The following RFTN1 variants were observed in gnomAD, a reference collection of about 807,000 sequenced individuals.
RFTN1 encodes the protein raftlin, lipid raft linker 1.
RFTN1 carries 26 observed loss-of-function variants against 46.5 expected under a neutral mutation model. The ratio of observed to expected loss-of-function variants is 0.56; its 90% confidence interval spans 0.41 to 0.78. RFTN1 has a LOEUF of 0.78. Among genes scored for constraint, RFTN1 ranks in the 30% least tolerant of loss-of-function variants. The pLI is 0.00. For missense variants in RFTN1, 693 were observed against 718.7 expected (o/e 0.96, Z 0.41); for synonymous variants, 261 against 284.2 (o/e 0.92, Z 0.82).
intron 2 of RFTN1, among the ~76,000 whole-genome samples, chr3:16,464,444 A>T (rs2076056325): frequency 2.0e-5 from 3 of 152,184 alleles, no homozygotes; most frequent in Admixed American, 2.0e-4. Flanking sequence ...TATTTTATAT[A>T]GTTTTTGTTG....
intron 2 of RFTN1, among the ~76,000 whole-genome samples, chr3:16,482,504 G>A (rs1016320219): frequency 2.6e-5 from 4 of 152,134 alleles, no homozygotes; most frequent in African/African-American, 7.2e-5. Context: ...CCATACCCGA[G>A]GGACCTTTGG....
At chr3:16,417,015 T>G (rs995374764) in intron 3 of RFTN1, among the ~76,000 whole-genome samples, 43 of 150,012 alleles carry the variant, frequency 2.9e-4, no homozygotes, top group African/African-American at 1.0e-3. Context: ...TTTTCTTTTT[T>G]TTTTTTTTTT....
chr3:16,467,266 A>G (rs1448911464), intron 2 of RFTN1, among the ~76,000 whole-genome samples: 1 of 152,210 alleles, frequency 6.6e-6, no homozygotes, highest in East Asian at 1.9e-4. Flanking sequence ...GCAGGAGAAT[A>G]AACCACAGTG....
rs374158983 is a variant in RFTN1, at chr3:16,512,428, A to ATTTTTTT, written c.-9+1013_-9+1014insAAAAAAA. 3.0e-3 allele frequency among the ~76,000 whole-genome samples: 457 copies of ATTTTTTT among 150,112 alleles called. 5 individuals are homozygous for ATTTTTTT. The highest frequency in any genetic ancestry group is 0.012 in the East Asian group (63 of 5,122). ...AGATTGAGCCAGACTTTTTTTTTAA[A>ATTTTTTT]AAAGTACTTCTTGTTTGTTTGTTTT... is the stretch of plus-strand genomic sequence containing the variant. On this transcript the variant is annotated intron_variant, in intron 1 of 9. Coordinates refer to ENST00000334133, the MANE Select transcript of RFTN1 (RefSeq NM_015150.2). This position sits in a 1 kb window ranked among gnomAD's most constrained non-coding sequence, Gnocchi z 4.3.
intron 2 of RFTN1, among the ~76,000 whole-genome samples, chr3:16,436,658 T>G (rs528303402): frequency 6.6e-6 from 1 of 152,328 alleles, no homozygotes; most frequent in South Asian, 2.1e-4. Context: ...CAATATGAAT[T>G]GAACACCCCC....
Position 16,484,561 on chromosome 3 carries a change from G to A in RFTN1, c.145+9164C>T, listed in dbSNP as rs1282302835. 1 of 152,258 alleles carries A rather than the reference G, an allele frequency of 6.6e-6. No individual in the cohort carries two copies. Among genetic ancestry groups the A allele is most frequent in the African/African-American group, 2.4e-5 (1 of 41,474 alleles). The allele number at this position is 152,258 out of a possible 1,614,324, so 9.4% of individuals were successfully genotyped here. Reference sequence around the variant, plus strand: ...TTTGTAAAATGCAGCAGTGTGGAATGATCCTCGAAATTGTAATGCGTGTCA... The same window carrying A: ...TTTGTAAAATGCAGCAGTGTGGAATAATCCTCGAAATTGTAATGCGTGTCA... On this transcript the variant is annotated intron_variant, in intron 2 of 9. Transcript: ENST00000334133. The surrounding 1 kb of genome is among the most constrained non-coding windows in gnomAD (Gnocchi z 4.6).
rs887593386 is a variant in RFTN1 at position 16,446,374 on chromosome 3, C to T, written c.146-12337G>A. ...TTTTAGGTACCGTTAGGGAAATTCACATTGTCGTGCAACCATCACCACCAT... is the reference window on the plus strand; with the variant it reads ...TTTTAGGTACCGTTAGGGAAATTCATATTGTCGTGCAACCATCACCACCAT... On this transcript the variant is annotated intron_variant, in intron 2 of 9. Coordinates refer to ENST00000334133, the MANE Select transcript of RFTN1 (RefSeq NM_015150.2). The surrounding 1 kb of genome is among the most constrained non-coding windows in gnomAD (Gnocchi z 4.5). Among the ~76,000 whole-genome samples, 2 of 151,922 alleles carry T rather than the reference C, an allele frequency of 1.3e-5. No homozygotes were observed. Among genetic ancestry groups the T allele is most frequent in the East Asian group, 1.9e-4 (1 of 5,174 alleles).
rs561263016 is a variant in RFTN1 at position 16,381,768 on chromosome 3, C to T, written c.442-3666G>A. The stretch of plus-strand genomic sequence containing the variant: ...TTCTAGAAATATTTCTGGAACATGA[C>T]ATGAGAAACCAAGAGGAGCCCAGAA... On this transcript the variant is annotated intron_variant, in intron 4 of 9. Coordinates refer to ENST00000334133, the MANE Select transcript of RFTN1 (RefSeq NM_015150.2). The surrounding 1 kb of genome is among the most constrained non-coding windows in gnomAD (Gnocchi z 4.2). 3.3e-5 allele frequency among the ~76,000 whole-genome samples: 5 copies of T among 152,236 alleles called. No homozygotes were observed. In the South Asian group the frequency reaches 8.3e-4, roughly 25 times the overall value.
intron 9 of RFTN1, among the ~76,000 whole-genome samples, chr3:16,318,141 A>G (rs690556): frequency 0.35 from 52,448 of 151,688 alleles, 9,957 homozygotes; most frequent in Non-Finnish European, 0.42. Flanking sequence ...GGTCTCATCA[A>G]ATCTCTGGAG....
rs1445066592 is a variant in RFTN1 at position 16,402,582 on chromosome 3, G to A, written c.441+6793C>T. ...TAATTAAAATTAGACTCTCTGCACC[G>A]CACTTGTAGAAATGAAACTCTGAAT... On this transcript the variant is annotated intron_variant, in intron 4 of 9. Coordinates refer to ENST00000334133, the MANE Select transcript of RFTN1 (RefSeq NM_015150.2). The surrounding 1 kb of genome is among the most constrained non-coding windows in gnomAD (Gnocchi z 4.5). 2.6e-5 allele frequency among the ~76,000 whole-genome samples: 4 copies of A among 152,090 alleles called. No individual in the cohort carries two copies. The highest frequency in any genetic ancestry group is 1.3e-4 in the Admixed American group (2 of 15,272).
intron 8 of RFTN1, among the ~76,000 whole-genome samples, chr3:16,325,582 T>G (rs1234507617): frequency 6.6e-6 from 1 of 152,254 alleles, no homozygotes; most frequent in East Asian, 1.9e-4. Flanking sequence ...TGGGTTCAAG[T>G]CTTCAGGCCC....
At chr3:16,494,778 G>T (rs1047729589) in intron 1 of RFTN1, among the ~76,000 whole-genome samples, 11 of 152,188 alleles carry the variant, frequency 7.2e-5, no homozygotes, top group Non-Finnish European at 1.3e-4. Context: ...AAGAGATTTT[G>T]CTTCTGTGTA....
At chr3:16,358,810 T>G (rs2072636951) in intron 6 of RFTN1, among the ~76,000 whole-genome samples, 1 of 151,884 alleles carries the variant, frequency 6.6e-6, no homozygotes, top group African/African-American at 2.4e-5. Flanking sequence ...GGCAGGAGGA[T>G]TCACTGAGCT....
intron 1 of RFTN1, among the ~76,000 whole-genome samples, chr3:16,503,195 A>T (rs944790600): frequency 6.6e-6 from 1 of 152,144 alleles, no homozygotes; most frequent in Non-Finnish European, 1.5e-5. Flanking sequence ...TTCGCTAAAA[A>T]TAGCTCCCAC....
intron 4 of RFTN1, among the ~76,000 whole-genome samples, chr3:16,397,955 A>C (rs2074508005): frequency 6.6e-6 from 1 of 152,124 alleles, no homozygotes; most frequent in Non-Finnish European, 1.5e-5. Context: ...CTCTTTTAAG[A>C]AGCATCATGG....
At chr3:16,444,003 T>G (rs1323242789) in intron 2 of RFTN1, among the ~76,000 whole-genome samples, 1 of 152,190 alleles carries the variant, frequency 6.6e-6, no homozygotes, top group Non-Finnish European at 1.5e-5. Context: ...ACTCAAATAT[T>G]AAAAGCAACC....
At position 16,451,536 on chromosome 3, in the gene RFTN1, T is replaced by C. The variant is rs188142387; in HGVS notation, c.146-17499A>G. 8.5e-5 allele frequency among the ~76,000 whole-genome samples: 13 copies of C among 152,198 alleles called. No individual in the cohort carries two copies. The highest frequency in any genetic ancestry group is 3.1e-4 in the African/African-American group (13 of 41,526). On this transcript the variant is annotated intron_variant, in intron 2 of 9. Coordinates refer to ENST00000334133, the MANE Select transcript of RFTN1 (RefSeq NM_015150.2). The surrounding 1 kb of genome is among the most constrained non-coding windows in gnomAD (Gnocchi z 4.2). ...TATATGAATACAAACTAAAATAGAGTGGTCCCCTCTTCTCCACAGGGGATA... is the reference window on the plus strand; with the variant it reads ...TATATGAATACAAACTAAAATAGAGCGGTCCCCTCTTCTCCACAGGGGATA...
chr3:16,463,762 T>C (rs965506082), intron 2 of RFTN1, among the ~76,000 whole-genome samples: 1 of 152,226 alleles, frequency 6.6e-6, no homozygotes, highest in Non-Finnish European at 1.5e-5. Context: ...CCAGACATCA[T>C]GTATTAGAAA....
At position 16,506,532 on chromosome 3, in the gene RFTN1, T is replaced by C. The variant is rs2076809816; in HGVS notation, c.-9+6910A>G. On this transcript the variant is annotated intron_variant, in intron 1 of 9. Transcript: ENST00000334133. The surrounding 1 kb of genome is among the most constrained non-coding windows in gnomAD (Gnocchi z 4.8). ...TATGTTTTGAAGGCAGAAAACAGGA[T>C]TGACTGATGATTTGGAAAAAGGGGA... Among the ~76,000 whole-genome samples the C allele has an allele frequency of 6.6e-6, 1 of 151,874 alleles. No homozygotes were observed. The highest frequency in any genetic ancestry group is 2.4e-5 in the African/African-American group (1 of 41,342).
Sources: gnomAD v4.1 joint callset for allele counts (sites outside exome capture counted in the v4.1 genomes callset) on GRCh38, gnomAD v4.1.1 for gene constraint, Gnocchi (gnomAD v3.1) non-coding constraint, MANE v1.5 for transcripts, NCBI Gene and HGNC (gene_info 2026-07-23, HGNC 2026-07-21) for gene names.